The following EML1 variants were observed in gnomAD, a reference collection of about 807,000 sequenced individuals.
The protein encoded by EML1 is EMAP like 1.
In EML1, 27 loss-of-function variants were observed where a neutral mutation model predicts 110.4. That is an observed-to-expected ratio of 0.24 (90% CI 0.18 to 0.34). The LOEUF is 0.34. Ranked by LOEUF, EML1 falls within the 10% of genes least tolerant of loss-of-function variation. EML1 has a pLI of 1.00. For synonymous variants in EML1, 344 were observed against 385.8 expected (o/e 0.89, Z 1.27); for missense variants, 741 against 1,030.9 (o/e 0.72, Z 3.85).
At chr14:99,923,573 A>G (rs531849383) in intron 17 of EML1, among the ~76,000 whole-genome samples, 6 of 152,380 alleles carry the variant, frequency 3.9e-5, no homozygotes, top group East Asian at 3.8e-4. Flanking sequence ...TGAATTATCA[A>G]TGACACTTTT....
chr14:99,886,352 T>C (rs1201889573), intron 4 of EML1, among the ~76,000 whole-genome samples: 4 of 152,180 alleles, frequency 2.6e-5, no homozygotes, highest in Non-Finnish European at 5.9e-5. Flanking sequence ...TTTGGTGGCA[T>C]ATGCCTGTAG....
chr14:99,937,639 C>T (rs908957284), intron 19 of EML1, among the ~76,000 whole-genome samples, 178 bp from the exon 20 acceptor site: 4 of 152,116 alleles, frequency 2.6e-5, no homozygotes, highest in Non-Finnish European at 1.5e-5. Context: ...GGCTCGGGCT[C>T]AGTTCCAGGG....
At chr14:99,829,967 C>G (rs79092592) in intron 1 of EML1, among the ~76,000 whole-genome samples, 1 of 152,104 alleles carries the variant, frequency 6.6e-6, no homozygotes, top group Non-Finnish European at 1.5e-5. Flanking sequence ...CTTTGAAATA[C>G]CTGTTCAAGC....
rs1336655056 is a variant in EML1 at position 99,873,979 on chromosome 14, T to C, written c.384-4506T>C. 2.6e-5 allele frequency among the ~76,000 whole-genome samples: 4 copies of C among 152,212 alleles called. No homozygotes were observed. In the East Asian group the frequency reaches 7.7e-4, roughly 29 times the overall value. ...CCAGCTGTCAGGACAAATGAAATCA[T>C]CAGAAAATCTCTGGTCACACATAAG... On this transcript the variant is annotated intron_variant, in intron 3 of 21. Transcript: ENST00000262233.
intron 1 of EML1, among the ~76,000 whole-genome samples, chr14:99,816,545 G>C (rs2058171110): frequency 6.6e-6 from 1 of 152,254 alleles, no homozygotes; most frequent in African/African-American, 2.4e-5. Flanking sequence ...CAGGAGCTTA[G>C]AGGCTGGATG....
intron 1 of EML1, among the ~76,000 whole-genome samples, chr14:99,803,323 G>A (rs139229129): frequency 2.0e-4 from 31 of 152,284 alleles, no homozygotes; most frequent in Middle Eastern, 3.4e-3. Flanking sequence ...TTGAAACAAC[G>A]TGTATCAATG....
intron 2 of EML1, among the ~76,000 whole-genome samples, chr14:99,862,154 A>G (rs763975507): frequency 4.4e-4 from 67 of 152,172 alleles, no homozygotes; most frequent in Non-Finnish European, 9.0e-4. Flanking sequence ...ACTATCCTTC[A>G]CCTTGGCTTC....
At chr14:99,807,860 T>G (rs1409358155) in intron 1 of EML1, among the ~76,000 whole-genome samples, 1 of 152,176 alleles carries the variant, frequency 6.6e-6, no homozygotes, top group Admixed American at 6.5e-5. Context: ...GGTTGACTTA[T>G]CCTCATTCCT....
chr14:99,924,305 T>C (rs1337427125), intron 17 of EML1, among the ~76,000 whole-genome samples: 1 of 152,212 alleles, frequency 6.6e-6, no homozygotes, highest in African/African-American at 2.4e-5. Context: ...CTTTCTAAAC[T>C]TCTTTGATTA....
intron 1 of EML1, among the ~76,000 whole-genome samples, chr14:99,830,722 T>A (rs1280927584): frequency 1.3e-5 from 2 of 152,084 alleles, no homozygotes; most frequent in Non-Finnish European, 2.9e-5. Flanking sequence ...AGCTAAGTTT[T>A]GTATTTTTAG....
intron 5 of EML1, 76 bp from the exon 6 acceptor site, chr14:99,894,553 T>C: frequency 6.6e-7 from 1 of 1,505,564 alleles, no homozygotes; most frequent in Admixed American, 2.3e-5. Flanking sequence ...ACTGAAAGGC[T>C]AGAGAGGATA....
chr14:99,864,148 G>A (rs965228441), intron 2 of EML1, among the ~76,000 whole-genome samples: 8 of 152,170 alleles, frequency 5.3e-5, no homozygotes, highest in African/African-American at 1.9e-4. Context: ...CTTTGGTGAA[G>A]TGTCTTTTCA....
chr14:99,754,896 C>T (rs530336979), intron 1 of EML1, among the ~76,000 whole-genome samples: 15 of 152,344 alleles, frequency 9.8e-5, no homozygotes, highest in South Asian at 8.3e-4. Flanking sequence ...GATCCGGAGA[C>T]AGCAGGCACC....
At chr14:99,832,719 C>G (rs2058479409) in intron 1 of EML1, among the ~76,000 whole-genome samples, 1 of 152,114 alleles carries the variant, frequency 6.6e-6, no homozygotes, top group African/African-American at 2.4e-5. Context: ...GGGTTATTCA[C>G]TTTCTTGTTG....
intron 12 of EML1, 55 bp from the exon 13 acceptor site, chr14:99,911,367 G>A (rs2059943460): frequency 6.5e-7 from 1 of 1,533,514 alleles, no homozygotes; most frequent in South Asian, 1.3e-5. Flanking sequence ...ATTAGAAAAT[G>A]GGCAGAGGCA....
chr14:99,781,836 C>T lies in EML1; in HGVS notation c.-27+7823C>T, dbSNP rs1465285263. ...ATTTCTAGCCTCTTTCCCGCCTCCT[C>T]TCCATACCTCTCATCTCCCAGACTC... On this transcript the variant is annotated intron_variant, in intron 1 of 22. Transcript: ENST00000327921. The surrounding 1 kb of genome is among the most constrained non-coding windows in gnomAD (Gnocchi z 4.2). Among the ~76,000 whole-genome samples, 1 of 152,220 alleles carries T rather than the reference C, an allele frequency of 6.6e-6. No individual in the cohort carries two copies. Among genetic ancestry groups the T allele is most frequent in the Non-Finnish European group, 1.5e-5 (1 of 68,040 alleles).
At chr14:99,833,518 CCTG>C in intron 1 of EML1, among the ~76,000 whole-genome samples, 1 of 152,224 alleles carries the variant, frequency 6.6e-6, no homozygotes, top group Non-Finnish European at 1.5e-5. Flanking sequence ...CTACAAAAAT[CCTG>C]CTGGGATTTT....
Position 99,776,829 on chromosome 14 carries a change from T to C in EML1, c.-27+2816T>C, listed in dbSNP as rs1169728001. Among the ~76,000 whole-genome samples, 4 of 152,226 alleles carry C rather than the reference T, an allele frequency of 2.6e-5. No individual in the cohort carries two copies. In the East Asian group the frequency reaches 7.7e-4, roughly 29 times the overall value. ...AGTGGCCAGTATAAGAAGACATAGA[T>C]TACATATTCATATATTGTGCAGGAT... On this transcript the variant is annotated intron_variant, in intron 1 of 22. Transcript: ENST00000327921.
intron 1 of EML1, among the ~76,000 whole-genome samples, chr14:99,798,549 G>C (rs992655659): frequency 3.3e-5 from 5 of 151,988 alleles, no homozygotes; most frequent in African/African-American, 1.2e-4. Context: ...TGTGCCACCA[G>C]CCTGGCTAAT....
Sources: gnomAD v4.1 joint callset for allele counts (sites outside exome capture counted in the v4.1 genomes callset) on GRCh38, gnomAD v4.1.1 for gene constraint, Gnocchi (gnomAD v3.1) non-coding constraint, MANE v1.5 for transcripts, NCBI Gene and HGNC (gene_info 2026-07-23, HGNC 2026-07-21) for gene names.